STK3: variants seen among roughly 807,000 people sequenced by gnomAD.
The protein encoded by STK3 is serine/threonine-protein kinase 3.
In STK3, 41 loss-of-function variants were observed where a neutral mutation model predicts 58.0. That is an observed-to-expected ratio of 0.71 (90% confidence interval 0.55 to 0.92). The LOEUF is 0.92. STK3 is among the 40% of genes least tolerant of loss of function. The pLI is 0.00. For synonymous variants in STK3, 170 were observed against 191.0 expected (o/e 0.89, Z 0.91); for missense variants, 479 against 602.7 (o/e 0.79, Z 2.15).
intron 1 of STK3, among the ~76,000 whole-genome samples, chr8:98,387,873 CTTTT>C (rs548274056): frequency 7.4e-6 from 1 of 135,026 alleles, no homozygotes. Flanking sequence ...GTAAAATGCC[CTTTT>C]TTTTTTTTTT....
intron 3 of STK3, chr8:98,429,234 C>A: frequency 6.2e-7 from 1 of 1,614,000 alleles, no homozygotes; most frequent in Non-Finnish European, 8.5e-7. Context: ...CTTTTACCGG[C>A]GCCAAAAGCA....
At chr8:98,348,539 C>T in the STK3 span, among the ~76,000 whole-genome samples, 1 of 152,100 alleles carries the variant, frequency 6.6e-6, no homozygotes, top group Non-Finnish European at 1.5e-5. Context: ...GGCAGTTATC[C>T]AAAATACACC....
chr8:98,464,097 T>C (rs1379328830), intron 10 of STK3, among the ~76,000 whole-genome samples: 2 of 152,140 alleles, frequency 1.3e-5, no homozygotes, highest in African/African-American at 4.8e-5. Context: ...TAAAAAAATA[T>C]GGGTTGCTAA....
At chr8:98,858,315 T>TAC (rs1207681611) in intron 3 of STK3, among the ~76,000 whole-genome samples, 1 of 57,244 alleles carries the variant, frequency 1.7e-5, no homozygotes, top group Non-Finnish European at 3.4e-5. Flanking sequence ...TATATATATA[T>TAC]ATATATATAG....
chr8:98,795,092 A>AT (rs1833047360), intron 1 of STK3, among the ~76,000 whole-genome samples: 2 of 64,812 alleles, frequency 3.1e-5, no homozygotes, highest in African/African-American at 1.3e-4. Flanking sequence ...AAAAAAAAAA[A>AT]AAAAAAAAAA....
At chr8:98,396,503 C>A (rs1259392969), downstream of STK3, among the ~76,000 whole-genome samples, 1 of 152,192 alleles carries the variant, frequency 6.6e-6, no homozygotes, top group Non-Finnish European at 1.5e-5. Flanking sequence ...GTCTGCCCTG[C>A]AGCATGGTAG....
intron 3 of STK3, among the ~76,000 whole-genome samples, chr8:98,865,523 C>T (rs1191422714): frequency 2.0e-5 from 3 of 152,152 alleles, no homozygotes; most frequent in African/African-American, 7.2e-5. Context: ...TTCACCACCA[C>T]ACCCAGCTAA....
intron 4 of STK3, among the ~76,000 whole-genome samples, chr8:98,733,288 C>T (rs1382070008): frequency 6.6e-6 from 1 of 152,204 alleles, no homozygotes; most frequent in African/African-American, 2.4e-5. Flanking sequence ...AAGCAGGAGT[C>T]CCCAACCCCT....
At chr8:98,677,351 C>T (rs552674801) in intron 6 of STK3, among the ~76,000 whole-genome samples, 4 of 147,638 alleles carry the variant, frequency 2.7e-5, no homozygotes, top group South Asian at 2.2e-4. Flanking sequence ...CCGCCCCCAC[C>T]GCCACCCAAC....
intron 3 of STK3, among the ~76,000 whole-genome samples, chr8:98,848,247 TTTTTC>T (rs1264540558): frequency 6.6e-6 from 1 of 151,372 alleles, no homozygotes; most frequent in Admixed American, 6.6e-5. Flanking sequence ...ATCTACTTTT[TTTTTC>T]TTTTTTTTTT....
chr8:98,738,227 C>G (rs1828789595), intron 4 of STK3, among the ~76,000 whole-genome samples: 1 of 152,118 alleles, frequency 6.6e-6, no homozygotes, highest in African/African-American at 2.4e-5. Flanking sequence ...CCTCTAATCT[C>G]AACACTTTAG....
intron 1 of STK3, among the ~76,000 whole-genome samples, chr8:98,900,332 C>T (rs951123496): frequency 2.0e-5 from 3 of 151,752 alleles, no homozygotes; most frequent in Non-Finnish European, 2.9e-5. Context: ...CTGCCTGCCT[C>T]GGCTTCCCAA....
At chr8:98,742,175 C>T (rs556697303) in intron 4 of STK3, among the ~76,000 whole-genome samples, 1 of 151,988 alleles carries the variant, frequency 6.6e-6, no homozygotes, top group South Asian at 2.1e-4. Flanking sequence ...GGTACCATTC[C>T]TTCTGAAACT....
At chr8:98,628,024 G>A (rs1296588780) in intron 6 of STK3, among the ~76,000 whole-genome samples, 1 of 152,170 alleles carries the variant, frequency 6.6e-6, no homozygotes, top group South Asian at 2.1e-4. Flanking sequence ...AAACAGCTCA[G>A]TAGAATACTA....
chr8:98,373,522 G>A lies in STK3; in HGVS notation n.112-1844C>T, dbSNP rs116001520. On this transcript the variant is annotated intron_variant and non_coding_transcript_variant, in intron 2 of 2. Transcript: ENST00000518704. ...TACTGGATCATCACAACTGTGTAAG[G>A]CAGGTACTATTTTCATGCCAGTTTT... Among the ~76,000 whole-genome samples the A allele has an allele frequency of 9.4e-3, 1,437 of 152,244 alleles. 26 individuals carry two copies. The highest frequency in any genetic ancestry group is 0.031 in the African/African-American group (1,308 of 41,528).
chr8:98,443,574 A>T (rs749780644), intron 1 of STK3, among the ~76,000 whole-genome samples: 8 of 152,218 alleles, frequency 5.3e-5, no homozygotes, highest in Non-Finnish European at 1.2e-4. Flanking sequence ...TAGGCTGGGC[A>T]TGGTGGCTCA....
At chr8:98,346,061 T>A in the STK3 span, among the ~76,000 whole-genome samples, 1 of 151,998 alleles carries the variant, frequency 6.6e-6, no homozygotes, top group Non-Finnish European at 1.5e-5. Context: ...CAAGGTGGGC[T>A]AATCACCTGA....
At chr8:98,505,565 G>A (rs1000110612) in intron 10 of STK3, among the ~76,000 whole-genome samples, 6 of 152,138 alleles carry the variant, frequency 3.9e-5, no homozygotes, top group South Asian at 2.1e-4. Context: ...GTGACCTACC[G>A]ATGGGGTTTT....
At chr8:98,604,838 GT>G (rs1390321501) in intron 6 of STK3, among the ~76,000 whole-genome samples, 6 of 152,148 alleles carry the variant, frequency 3.9e-5, no homozygotes, top group African/African-American at 1.4e-4. Flanking sequence ...ATGGGCACAG[GT>G]TGTTAGAAGC....
Sources: gnomAD v4.1 joint callset for allele counts (sites outside exome capture counted in the v4.1 genomes callset) on GRCh38, gnomAD v4.1.1 for gene constraint, MANE v1.5 for transcripts, NCBI Gene and HGNC (gene_info 2026-07-23, HGNC 2026-07-21) for gene names.